PCNX2: variants seen among roughly 807,000 people sequenced by gnomAD.
The protein encoded by PCNX2 is pecanex-like protein 2.
Under a neutral mutation model 223.8 loss-of-function variants are expected in PCNX2, and 168 were observed. The observed-to-expected ratio is 0.75, with a 90% CI of 0.66 to 0.85. The LOEUF (loss-of-function observed/expected upper bound fraction) is 0.85, where lower values mean the gene tolerates loss of function less well. Ranked by LOEUF, PCNX2 falls within the 40% of genes least tolerant of loss-of-function variation. The pLI is 0.00. For missense variants in PCNX2, 2,507 were observed against 2,675.5 expected (o/e 0.94, Z 1.39); for synonymous variants, 1,006 against 1,052.6 (o/e 0.96, Z 0.86).
chr1:233,114,601 CAAG>C lies in PCNX2; in HGVS notation c.3838-18741_3838-18739del, dbSNP rs147506560. Among the ~76,000 whole-genome samples the C allele has an allele frequency of 5.8e-3, 878 of 151,876 alleles. 5 individuals are homozygous for C. Among genetic ancestry groups the C allele is most frequent in the African/African-American group, 0.02 (825 of 41,442 alleles). On this transcript the variant is annotated intron_variant, in intron 21 of 33. Coordinates refer to ENST00000258229, the MANE Select transcript of PCNX2 (RefSeq NM_014801.4). ...GTAAAAAGCTTGGAAGTTATTTTTA[CAAG>C]AAGAAGAAGCTGGATAAACAGAAAA... is the stretch of plus-strand genomic sequence containing the variant.
At chr1:233,205,766 G>C (rs1572074355) in intron 13 of PCNX2, among the ~76,000 whole-genome samples, 1 of 152,216 alleles carries the variant, frequency 6.6e-6, no homozygotes, top group East Asian at 1.9e-4. Flanking sequence ...TTCAACAAAT[G>C]TTTATTTAGT....
chr1:233,148,093 T>C (rs943011532), intron 19 of PCNX2, among the ~76,000 whole-genome samples: 15 of 152,328 alleles, frequency 9.8e-5, no homozygotes, highest in Middle Eastern at 3.4e-3. Flanking sequence ...CATCTAAATG[T>C]CATATAAAAA....
Position 233,000,215 on chromosome 1 carries a change from GT to G in PCNX2, c.5328+89del, listed in dbSNP as rs1303108297. 7 of 1,255,056 alleles carry G rather than the reference GT, an allele frequency of 5.6e-6. No homozygotes were observed. In the African/African-American group the frequency reaches 1.0e-4, roughly 18 times the overall value. The allele number at this position is 1,255,056 out of a possible 1,614,324, so 77.7% of individuals were successfully genotyped here. On this transcript the variant is annotated intron_variant, in intron 30 of 33. Coordinates refer to ENST00000258229, the MANE Select transcript of PCNX2 (RefSeq NM_014801.4). The surrounding 1 kb of genome is among the most constrained non-coding windows in gnomAD (Gnocchi z 4.6). ...AGGATGCTGGCACAGAGACTCCTGT[GT>G]CAGTGCCCCCCTGCCCACCACCATT...
chr1:233,273,651 T>A (rs2103012541), intron 1 of PCNX2, among the ~76,000 whole-genome samples: 1 of 149,486 alleles, frequency 6.7e-6, no homozygotes, highest in African/African-American at 2.5e-5. Flanking sequence ...TTTGATAGAA[T>A]CTTACTCTGT....
intron 9 of PCNX2, among the ~76,000 whole-genome samples, chr1:233,233,672 A>G (rs1658210284): frequency 1.3e-5 from 2 of 152,018 alleles, no homozygotes; most frequent in Non-Finnish European, 2.9e-5. Flanking sequence ...AGCTTGCAGA[A>G]CATTGCGGGG....
At chr1:233,265,675 T>C (rs79213907) in intron 1 of PCNX2, among the ~76,000 whole-genome samples, 1,663 of 152,032 alleles carry the variant, frequency 0.011, 18 homozygotes, top group Admixed American at 0.029. Context: ...AGATTTGGAG[T>C]TGTGGCCGCT....
intron 1 of PCNX2, among the ~76,000 whole-genome samples, chr1:233,275,635 G>A (rs79536964): frequency 0.01 from 1,551 of 152,262 alleles, 14 homozygotes; most frequent in South Asian, 0.028. Flanking sequence ...AATTAACATA[G>A]GATCTGGCAA....
chr1:233,048,354 G>A lies in PCNX2; in HGVS notation c.4351+5914C>T, dbSNP rs562846589. 9.2e-5 allele frequency among the ~76,000 whole-genome samples: 14 copies of A among 152,296 alleles called. No homozygotes were observed. In the East Asian group the frequency reaches 2.7e-3, roughly 29 times the overall value. On this transcript the variant is annotated intron_variant, in intron 25 of 33. Transcript: ENST00000258229. The stretch of plus-strand genomic sequence containing the variant: ...CACCTATAAACCCAGCTACTTGGGA[G>A]GCTGAGGCAGGAGAATCACTTGAGC...
At chr1:233,136,850 T>G (rs1410683412) in intron 20 of PCNX2, among the ~76,000 whole-genome samples, 1 of 152,160 alleles carries the variant, frequency 6.6e-6, no homozygotes, top group Non-Finnish European at 1.5e-5. Flanking sequence ...ATATTTTGGT[T>G]TTCAGGGGAG....
At chr1:233,142,667 G>A (rs1425220472) in intron 19 of PCNX2, among the ~76,000 whole-genome samples, 1 of 152,106 alleles carries the variant, frequency 6.6e-6, no homozygotes, top group Non-Finnish European at 1.5e-5. Flanking sequence ...ACTTACTGGG[G>A]ACACCTCTGC....
In PCNX2 at chr1:233,258,567, G is replaced by A; in HGVS notation, c.1295C>T (p.Thr432Ile). ...TCCCCCACCCTCAGGCAGGTCCAGG[G>A]TGATTACAGGAATTGAGATCTGCTC... ...NAEQISIPVI[T>I]LDLPEGGGGG... Residue 432 changes from threonine (T) to isoleucine (I), a missense_variant, in exon 5 of 34, where the codon ACC (threonine) becomes ATC (isoleucine). By Grantham distance (89) the Thr-to-Ile change is moderately conservative. Coordinates refer to ENST00000258229, the MANE Select transcript of PCNX2 (RefSeq NM_014801.4). 1 of 1,613,986 alleles carries A rather than the reference G, an allele frequency of 6.2e-7. No individual in the cohort carries two copies. Among genetic ancestry groups the A allele is most frequent in the Non-Finnish European group, 8.5e-7 (1 of 1,179,894 alleles).
Position 233,241,227 on chromosome 1 carries a change from G to A in PCNX2, c.2223-4247C>T, listed in dbSNP as rs559180433. On this transcript the variant is annotated intron_variant, in intron 8 of 33. Transcript: ENST00000258229. The stretch of plus-strand genomic sequence containing the variant: ...TATCGGAGAAAAAGGCAGCAACACC[G>A]TGGAAGTGAGGCAAGGCTGGGAGCA... The A allele has an allele frequency of 4.3e-5, 42 of 985,416 alleles. No homozygotes were observed. The African/African-American group carries it at 4.9e-4, about 11-fold the overall frequency. The allele number at this position is 985,416 out of a possible 1,614,324, so 61.0% of individuals were successfully genotyped here.
intron 21 of PCNX2, among the ~76,000 whole-genome samples, chr1:233,125,471 G>C (rs1406049106): frequency 1.3e-5 from 2 of 152,176 alleles, no homozygotes; most frequent in Non-Finnish European, 2.9e-5. Flanking sequence ...GCACCAGTAT[G>C]TTAAACATGA....
chr1:233,154,884 C>T (rs1259505002), intron 19 of PCNX2, among the ~76,000 whole-genome samples: 1 of 152,042 alleles, frequency 6.6e-6, no homozygotes, highest in Admixed American at 6.6e-5. Context: ...GCCTGGCCAA[C>T]ATAGTGAAAC....
the PCNX2 span, among the ~76,000 whole-genome samples, chr1:233,320,613 T>C: frequency 1.3e-5 from 2 of 152,202 alleles, no homozygotes; most frequent in African/African-American, 4.8e-5. Context: ...CATAAAAAAG[T>C]AGTAGTCGCT....
At chr1:233,317,875 G>A in the PCNX2 span, among the ~76,000 whole-genome samples, 2 of 152,218 alleles carry the variant, frequency 1.3e-5, no homozygotes, top group South Asian at 2.1e-4. Flanking sequence ...GAATAAAGAC[G>A]AGGTTTCAAG....
chr1:233,220,717 A>G (rs1017967400), intron 10 of PCNX2, among the ~76,000 whole-genome samples: 2 of 152,172 alleles, frequency 1.3e-5, no homozygotes, highest in Non-Finnish European at 2.9e-5. Flanking sequence ...CATTCTGTGG[A>G]ACATTTTTTA....
chr1:233,318,567 T>TTC, the PCNX2 span, among the ~76,000 whole-genome samples: 23 of 139,778 alleles, frequency 1.6e-4, no homozygotes, highest in South Asian at 5.2e-4. Flanking sequence ...CTTTTTCTTT[T>TTC]TTTTTTTTTT....
intron 9 of PCNX2, among the ~76,000 whole-genome samples, chr1:233,235,970 A>G (rs1375195152): frequency 7.0e-6 from 1 of 142,338 alleles, no homozygotes; most frequent in African/African-American, 2.6e-5. Context: ...ATATATATAT[A>G]TATATATATA....
Sources: gnomAD v4.1 joint callset for allele counts (sites outside exome capture counted in the v4.1 genomes callset) on GRCh38, gnomAD v4.1.1 for gene constraint, Gnocchi (gnomAD v3.1) non-coding constraint, MANE v1.5 for transcripts, NCBI Gene and HGNC (gene_info 2026-07-23, HGNC 2026-07-21) for gene names.